Variants in AKAP9 observed in about 807,000 individuals in gnomAD.
AKAP9 encodes the protein A-kinase anchoring protein 9.
In AKAP9, 311 loss-of-function variants were observed where a neutral mutation model predicts 488.5. The observed-to-expected ratio is 0.64, with a 90% CI of 0.58 to 0.70. The LOEUF (loss-of-function observed/expected upper bound fraction) is 0.70. Ranked by LOEUF, AKAP9 falls within the 30% of genes least tolerant of loss-of-function variation. The pLI is 0.00. For missense variants in AKAP9, 4,215 were observed against 4,374.5 expected (o/e 0.96, Z 1.03); for synonymous variants, 1,462 against 1,483.5 (o/e 0.99, Z 0.33).
intron 1 of AKAP9, among the ~76,000 whole-genome samples, chr7:91,972,297 T>G (rs2130557496): frequency 6.6e-6 from 1 of 152,304 alleles, no homozygotes; most frequent in South Asian, 2.1e-4. Context: ...TGTCTCTGGC[T>G]GTTAGGAATA....
At chr7:92,010,141 G>A (rs1267863963) in intron 8 of AKAP9, among the ~76,000 whole-genome samples, 1 of 152,148 alleles carries the variant, frequency 6.6e-6, no homozygotes, top group African/African-American at 2.4e-5. Context: ...GGTGGTGGGA[G>A]ATAAAGATAA....
chr7:91,961,765 A>C (rs1191686046), intron 1 of AKAP9, among the ~76,000 whole-genome samples: 5 of 151,858 alleles, frequency 3.3e-5, no homozygotes, highest in Non-Finnish European at 7.4e-5. Context: ...AATGGCGTGA[A>C]CTGGGGAGGC....
intron 26 of AKAP9, 115 bp downstream of exon 26, chr7:92,066,661 A>T: frequency 7.5e-7 from 1 of 1,337,858 alleles, no homozygotes; most frequent in Non-Finnish European, 1.1e-6. Flanking sequence ...AAATCTTCAA[A>T]ATCAGAAAAC....
chr7:91,965,821 G>T (rs1794373383), intron 1 of AKAP9, among the ~76,000 whole-genome samples: 1 of 152,068 alleles, frequency 6.6e-6, no homozygotes, highest in Non-Finnish European at 1.5e-5. Flanking sequence ...TTGACCATTT[G>T]TATGTATTCT....
rs372157400 is a variant in AKAP9 at position 92,055,851 on chromosome 7, T to C, written c.5601+2893T>C. Among the ~76,000 whole-genome samples the C allele has an allele frequency of 2.8e-4, 42 of 152,134 alleles. No homozygotes were observed. In the East Asian group the frequency reaches 8.1e-3, roughly 29 times the overall value. On this transcript the variant is annotated intron_variant, in intron 22 of 49. Coordinates refer to ENST00000356239, the MANE Select transcript of AKAP9 (RefSeq NM_005751.5). ...GGCTGTATGCCACTATCCTGAATCA[T>C]CTTTATTTAATACTGCTCTTTTGAG...
chr7:91,942,263 C>T (rs1790857709), intron 1 of AKAP9, among the ~76,000 whole-genome samples: 1 of 151,998 alleles, frequency 6.6e-6, no homozygotes, highest in Non-Finnish European at 1.5e-5. Flanking sequence ...AGGGCCATAC[C>T]GCAGAGATGC....
intron 22 of AKAP9, among the ~76,000 whole-genome samples, chr7:92,055,267 T>C (rs1808587907): frequency 6.6e-6 from 1 of 152,072 alleles, no homozygotes; most frequent in Non-Finnish European, 1.5e-5. Flanking sequence ...TAGTATAAGT[T>C]AAGATTTTGT....
intron 1 of AKAP9, among the ~76,000 whole-genome samples, chr7:91,954,710 A>AT (rs11408349): frequency 0.4 from 60,751 of 152,054 alleles, 12,436 homozygotes; most frequent in African/African-American, 0.46. Context: ...AGCTTTACAA[A>AT]TTTTTTGATG....
At chr7:91,959,574 T>C (rs1057019648) in intron 1 of AKAP9, among the ~76,000 whole-genome samples, 5 of 152,190 alleles carry the variant, frequency 3.3e-5, no homozygotes, top group African/African-American at 1.2e-4. Flanking sequence ...CCAAAGCACA[T>C]ACTCTTTTTG....
At chr7:92,017,408 C>CT (rs1325288306) in intron 12 of AKAP9, among the ~76,000 whole-genome samples, 3 of 151,906 alleles carry the variant, frequency 2.0e-5, no homozygotes, top group African/African-American at 7.3e-5. Flanking sequence ...AGCAGTGGGC[C>CT]TTCTGTTTTA....
chr7:92,035,768 G>A (rs907135000), intron 16 of AKAP9, among the ~76,000 whole-genome samples: 1 of 152,106 alleles, frequency 6.6e-6, no homozygotes, highest in African/African-American at 2.4e-5. Flanking sequence ...GTTTTGTATT[G>A]TGCTCAGAGT....
intron 28 of AKAP9, among the ~76,000 whole-genome samples, chr7:92,072,738 G>A (rs973062346): frequency 1.2e-4 from 18 of 152,166 alleles, no homozygotes; most frequent in African/African-American, 4.3e-4. Context: ...ATAGGTTTTA[G>A]CTCTCTGTAG....
chr7:91,992,298 A>G, intron 4 of AKAP9, 87 bp downstream of exon 4: 1 of 948,750 alleles, frequency 1.1e-6, no homozygotes, highest in South Asian at 1.3e-5. Context: ...TCCTGCATGT[A>G]CTTCTTTCTG....
chr7:91,964,421 A>G (rs1156929703), intron 1 of AKAP9, among the ~76,000 whole-genome samples: 1 of 152,174 alleles, frequency 6.6e-6, no homozygotes, highest in African/African-American at 2.4e-5. Context: ...AGCATGTAAT[A>G]CATACTTCTG....
At chr7:91,977,794 C>G (rs1429212343) in intron 2 of AKAP9, among the ~76,000 whole-genome samples, 2 of 152,082 alleles carry the variant, frequency 1.3e-5, no homozygotes, top group Non-Finnish European at 2.9e-5. Context: ...TTTAATATAA[C>G]AAACCAATAT....
chr7:92,001,782 TAGAG>T lies in AKAP9; in HGVS notation c.1868_1871del (p.Glu623GlyfsTer2), dbSNP rs754882162. 3 of 1,613,488 alleles carry T rather than the reference TAGAG, an allele frequency of 1.9e-6. No homozygotes were observed. Among genetic ancestry groups the T allele is most frequent in the Non-Finnish European group, 2.5e-6 (3 of 1,179,756 alleles). On this transcript the variant is annotated frameshift_variant, in exon 8 of 50. Coordinates refer to ENST00000356239, the MANE Select transcript of AKAP9 (RefSeq NM_005751.5). LOFTEE classifies it high-confidence loss of function. ...ATGGCTGAATCACAAGAAGCTGAAT[TAGAG>T]AGGCTGAGAACACAGCTTCTATTTA...
intron 21 of AKAP9, among the ~76,000 whole-genome samples, chr7:92,047,690 C>T (rs940519916): frequency 6.6e-6 from 1 of 152,126 alleles, no homozygotes; most frequent in African/African-American, 2.4e-5. Context: ...AAAACCACTA[C>T]GTATATTTGA....
Position 92,001,335 on chromosome 7 carries a change from AT to A in AKAP9, c.1419del (p.Asn473LysfsTer3). The A allele has an allele frequency of 6.2e-7, 1 of 1,613,924 alleles. No individual in the cohort carries two copies. Among genetic ancestry groups the A allele is most frequent in the Non-Finnish European group, 8.5e-7 (1 of 1,179,840 alleles). On this transcript the variant is annotated frameshift_variant, in exon 8 of 50. Coordinates refer to ENST00000356239, the MANE Select transcript of AKAP9 (RefSeq NM_005751.5). LOFTEE classifies it high-confidence loss of function. ...MKTRHKGEME[N>X]ALRSYSNITV... ...ACACGGCATAAGGGAGAAATGGAGA[AT>A]GCTTTAAGGTCATATTCAAATATTA...
chr7:91,982,312 G>A (rs1244737279), intron 3 of AKAP9, among the ~76,000 whole-genome samples: 1 of 151,896 alleles, frequency 6.6e-6, no homozygotes, highest in East Asian at 1.9e-4. Flanking sequence ...ATTTACATTA[G>A]GTATATCTCC....
Sources: gnomAD v4.1 joint callset for allele counts (sites outside exome capture counted in the v4.1 genomes callset) on GRCh38, gnomAD v4.1.1 for gene constraint, MANE v1.5 for transcripts, NCBI Gene and HGNC (gene_info 2026-07-23, HGNC 2026-07-21) for gene names.